MGMT: variants seen among roughly 807,000 people sequenced by gnomAD.
The protein encoded by MGMT is methylated-DNA--protein-cysteine methyltransferase.
Under a neutral mutation model 15.9 loss-of-function variants are expected in MGMT, and 14 were observed. The ratio of observed to expected loss-of-function variants is 0.88; its 90% CI spans 0.58 to 1.37. The LOEUF is 1.37. MGMT is among the 40% of genes most tolerant of loss of function. The pLI, the probability that MGMT is intolerant of heterozygous loss-of-function variation, is 0.00. For synonymous variants in MGMT, 130 were observed against 118.2 expected (o/e 1.10, Z -0.65); for missense variants, 282 against 268.1 (o/e 1.05, Z -0.36).
intron 2 of MGMT, among the ~76,000 whole-genome samples, chr10:129,577,503 A>C (rs1198229124): frequency 1.3e-5 from 2 of 152,230 alleles, no homozygotes; most frequent in South Asian, 2.1e-4. Context: ...CTGAAACTGG[A>C]TCCCTTCCTT....
chr10:129,467,632 T>C (rs1845184107), intron 1 of MGMT, among the ~76,000 whole-genome samples: 1 of 152,152 alleles, frequency 6.6e-6, no homozygotes, highest in Non-Finnish European at 1.5e-5. Context: ...CAGCTTTCCC[T>C]CCGCCAGCTG....
chr10:129,493,619 C>A (rs757627024), intron 1 of MGMT, among the ~76,000 whole-genome samples: 1 of 152,140 alleles, frequency 6.6e-6, no homozygotes. Flanking sequence ...ATGTTCTTAT[C>A]AACATCTGCA....
intron 2 of MGMT, among the ~76,000 whole-genome samples, chr10:129,628,144 T>TG (rs1192372100): frequency 6.6e-6 from 1 of 152,226 alleles, no homozygotes; most frequent in Non-Finnish European, 1.5e-5. Context: ...TCAGATGCTT[T>TG]GGGGTGTTTT....
At chr10:129,630,181 C>T (rs1049794583) in intron 2 of MGMT, among the ~76,000 whole-genome samples, 2 of 152,208 alleles carry the variant, frequency 1.3e-5, no homozygotes, top group Non-Finnish European at 2.9e-5. Flanking sequence ...GCAGCTCTCT[C>T]AACATCTCCC....
intron 2 of MGMT, among the ~76,000 whole-genome samples, chr10:129,613,658 A>C (rs975512536): frequency 6.6e-6 from 1 of 152,208 alleles, no homozygotes; most frequent in Admixed American, 6.5e-5. Flanking sequence ...AAGGTCTAAA[A>C]CATTTACCAT....
In MGMT at chr10:129,659,325, C is replaced by G. The variant is rs1589920608; in HGVS notation, c.126-48570C>G. On this transcript the variant is annotated intron_variant, in intron 2 of 4. Coordinates refer to ENST00000651593, the MANE Select transcript of MGMT (RefSeq NM_002412.5). This position sits in a 1 kb window ranked among gnomAD's most constrained non-coding sequence, Gnocchi z 4.1. ...TGAGCCAAGATCGCACCACTGCGCT[C>G]CAGCCTGGGTGGCAGAGCGAGACTC... 6.7e-6 allele frequency among the ~76,000 whole-genome samples: 1 copy of G among 149,726 alleles called. No homozygotes were observed. The highest frequency in any genetic ancestry group is 1.5e-5 in the Non-Finnish European group (1 of 67,994).
intron 1 of MGMT, among the ~76,000 whole-genome samples, chr10:129,525,896 C>A (rs990129912): frequency 2.0e-5 from 3 of 152,228 alleles, no homozygotes; most frequent in Non-Finnish European, 2.9e-5. Context: ...TAGGCCCCCA[C>A]CAGGAGGCTT....
chr10:129,637,500 G>A (rs1847275832), intron 2 of MGMT, among the ~76,000 whole-genome samples: 1 of 152,140 alleles, frequency 6.6e-6, no homozygotes, highest in African/African-American at 2.4e-5. Context: ...ATTTTAGGAG[G>A]GCTGAGAGTA....
chr10:129,579,666 TTTC>T (rs1361724499), intron 2 of MGMT, among the ~76,000 whole-genome samples: 3 of 152,214 alleles, frequency 2.0e-5, no homozygotes, highest in African/African-American at 7.2e-5. Flanking sequence ...TAATTTTGAG[TTTC>T]TTCTTCTGGA....
At chr10:129,625,391 T>A (rs1159251066) in intron 2 of MGMT, among the ~76,000 whole-genome samples, 1 of 152,208 alleles carries the variant, frequency 6.6e-6, no homozygotes, top group East Asian at 1.9e-4. Context: ...GACACCAAGA[T>A]GCCAAGATGT....
chr10:129,616,021 G>A (rs528445823), intron 2 of MGMT, among the ~76,000 whole-genome samples: 41 of 152,244 alleles, frequency 2.7e-4, no homozygotes, highest in African/African-American at 3.9e-4. Flanking sequence ...TCCTCTGATC[G>A]TATGTGTAGA....
At chr10:129,609,346 A>G (rs1329026425) in intron 2 of MGMT, among the ~76,000 whole-genome samples, 1 of 150,632 alleles carries the variant, frequency 6.6e-6, no homozygotes, top group Non-Finnish European at 1.5e-5. Context: ...CCCCATCCGG[A>G]TGATGGAGGT....
Position 129,766,902 on chromosome 10 carries a change from G to T in MGMT, c.529G>T (p.Gly177Trp), listed in dbSNP as rs767414747. 1 of 1,613,518 alleles carries T rather than the reference G, an allele frequency of 6.2e-7. No individual in the cohort carries two copies. The highest frequency in any genetic ancestry group is 8.5e-7 in the Non-Finnish European group (1 of 1,180,020). The change falls in exon 5 of 5, where the codon GGG becomes TGG. Residue 177 changes from glycine to tryptophan, a missense_variant. Transcript: ENST00000651593. Reference sequence around the variant, plus strand: ...TCTGGCCCATGAAGGCCACCGGTTGGGGAAGCCAGGCTTGGGAGGGAGCTC... The same window carrying T: ...TCTGGCCCATGAAGGCCACCGGTTGTGGAAGCCAGGCTTGGGAGGGAGCTC... ...WLLAHEGHRLGKPGLGGSSGL... is the reference protein window; with the variant it reads ...WLLAHEGHRLWKPGLGGSSGL...
At chr10:129,524,980 C>A (rs552692617) in intron 1 of MGMT, among the ~76,000 whole-genome samples, 1 of 152,218 alleles carries the variant, frequency 6.6e-6, no homozygotes, top group African/African-American at 2.4e-5. Context: ...GCTAAACTGT[C>A]GGAATGGATA....
intron 2 of MGMT, among the ~76,000 whole-genome samples, chr10:129,660,222 G>A (rs969841901): frequency 1.3e-5 from 2 of 151,930 alleles, no homozygotes; most frequent in South Asian, 2.1e-4. Flanking sequence ...CCCAGAACAC[G>A]TGCTGGTGTA....
intron 2 of MGMT, among the ~76,000 whole-genome samples, chr10:129,669,370 TAC>T (rs755757979): frequency 6.6e-5 from 10 of 152,156 alleles, no homozygotes; most frequent in Non-Finnish European, 1.3e-4. Context: ...GCTGGTTGCT[TAC>T]CAATTTTACT....
At chr10:129,496,235 G>T (rs1303918739) in intron 1 of MGMT, among the ~76,000 whole-genome samples, 1 of 152,154 alleles carries the variant, frequency 6.6e-6, no homozygotes, top group Non-Finnish European at 1.5e-5. Flanking sequence ...TCACGCTTAA[G>T]TCTTCCTCCA....
rs139309574 is a variant in MGMT, at chr10:129,702,391, T to C, written c.126-5504T>C. On this transcript the variant is annotated intron_variant, in intron 2 of 4. Coordinates refer to ENST00000651593, the MANE Select transcript of MGMT (RefSeq NM_002412.5). ...TCCTCTCGTGCCAAGTCAAAGAAAG[T>C]GAAAGCCACCAGTGTCATGATATTT... 1.1e-3 allele frequency among the ~76,000 whole-genome samples: 170 copies of C among 152,260 alleles called. 3 individuals carry two copies. Among genetic ancestry groups the C allele is most frequent in the African/African-American group, 3.7e-3 (152 of 41,548 alleles).
intron 2 of MGMT, among the ~76,000 whole-genome samples, chr10:129,658,677 T>C (rs1450683551): frequency 6.6e-6 from 1 of 152,232 alleles, no homozygotes; most frequent in Non-Finnish European, 1.5e-5. Flanking sequence ...GAAGAAATTA[T>C]CTTCGCAAGA....
Sources: allele counts gnomAD v4.1 joint callset (sites outside exome capture counted in the v4.1 genomes callset), GRCh38; gene constraint gnomAD v4.1.1; non-coding constraint Gnocchi (gnomAD v3.1); transcripts MANE v1.5; gene names NCBI Gene and HGNC (gene_info 2026-07-23, HGNC 2026-07-21).